The following IGSF3 variants were observed in gnomAD, a reference collection of about 807,000 sequenced individuals.
IGSF3 encodes glu-Trp-Ile EWI motif-containing protein 3.
In IGSF3, 23 loss-of-function variants were observed where a neutral mutation model predicts 114.4. The observed-to-expected ratio is 0.20, with a 90% CI of 0.14 to 0.28. The LOEUF (loss-of-function observed/expected upper bound fraction) is 0.28. Among genes scored for constraint, IGSF3 ranks in the 10% least tolerant of loss-of-function variants. The probability of loss-of-function intolerance (pLI) is 1.00; values close to 1 mark genes in which losing one functional copy is unlikely to be tolerated. For missense variants in IGSF3, 1,172 were observed against 1,591.5 expected (o/e 0.74, Z 4.48); for synonymous variants, 571 against 645.2 (o/e 0.88, Z 1.74).
chr1:116,655,580 C>G lies in IGSF3; in HGVS notation c.43+10704G>C, dbSNP rs1648813097. On this transcript the variant is annotated intron_variant, in intron 2 of 10. Coordinates refer to ENST00000369486, the MANE Select transcript of IGSF3 (RefSeq NM_001007237.3). This position sits in a 1 kb window ranked among gnomAD's most constrained non-coding sequence, Gnocchi z 4.3. The stretch of plus-strand genomic sequence containing the variant: ...AAGTTCTCTTCCTTTGGGTTAAAGT[C>G]TTAAATGCTGAGCCCGTAGCCAGCA... Among the ~76,000 whole-genome samples the G allele has an allele frequency of 6.6e-6, 1 of 152,182 alleles. No individual in the cohort carries two copies. Among genetic ancestry groups the G allele is most frequent in the African/African-American group, 2.4e-5 (1 of 41,438 alleles).
At position 116,584,388 on chromosome 1, in the gene IGSF3, T is replaced by C. The variant is rs1384055258; in HGVS notation, c.2848+257A>G. On this transcript the variant is annotated intron_variant, in intron 9 of 10. Coordinates refer to ENST00000369486, the MANE Select transcript of IGSF3 (RefSeq NM_001007237.3). This position sits in a 1 kb window ranked among gnomAD's most constrained non-coding sequence, Gnocchi z 5.8. ...AAATCTGGAAAAAGGAAATATTCTA[T>C]GACCTGGAATAATTAATGGCCAGAT... Among the ~76,000 whole-genome samples, 2 of 152,202 alleles carry C rather than the reference T, an allele frequency of 1.3e-5. No homozygotes were observed. The highest frequency in any genetic ancestry group is 2.9e-5 in the Non-Finnish European group (2 of 68,038).
Position 116,624,965 on chromosome 1 carries a change from C to G in IGSF3, c.44-8508G>C, listed in dbSNP as rs573126139. 1.4e-4 allele frequency among the ~76,000 whole-genome samples: 22 copies of G among 152,374 alleles called. No individual in the cohort carries two copies. In the South Asian group the frequency reaches 4.3e-3, roughly 30 times the overall value. On this transcript the variant is annotated intron_variant, in intron 2 of 10. Transcript: ENST00000369486. This position sits in a 1 kb window ranked among gnomAD's most constrained non-coding sequence, Gnocchi z 4.9. ...CACCATGTGAGTGAACAAGCCTCCACTGTGAGCTGCCCCCAGCCTTGGAAC... is the reference window on the plus strand; with the variant it reads ...CACCATGTGAGTGAACAAGCCTCCAGTGTGAGCTGCCCCCAGCCTTGGAAC...
intron 2 of IGSF3, among the ~76,000 whole-genome samples, chr1:116,641,674 G>A (rs1405859460): frequency 6.6e-6 from 1 of 152,054 alleles, no homozygotes; most frequent in East Asian, 1.9e-4. Flanking sequence ...GCAGAGAGCA[G>A]AGCTGGCAGG....
Position 116,612,744 on chromosome 1 carries a change from G to C in IGSF3, c.832+1021C>G, listed in dbSNP as rs996680682. 6.6e-6 allele frequency among the ~76,000 whole-genome samples: 1 copy of C among 152,234 alleles called. No homozygotes were observed. The highest frequency in any genetic ancestry group is 2.4e-5 in the African/African-American group (1 of 41,454). ...AGAAGTGAGCTTCCGCACAAGGAAAGGCTTTCAGGCCACTCATCGCCAACT... is the reference window on the plus strand; with the variant it reads ...AGAAGTGAGCTTCCGCACAAGGAAACGCTTTCAGGCCACTCATCGCCAACT... On this transcript the variant is annotated intron_variant, in intron 4 of 10. Coordinates refer to ENST00000369486, the MANE Select transcript of IGSF3 (RefSeq NM_001007237.3). The surrounding 1 kb of genome is among the most constrained non-coding windows in gnomAD (Gnocchi z 4.1).
rs1236399524 is a variant in IGSF3 at position 116,592,918 on chromosome 1, T to C, written c.2030-3814A>G. On this transcript the variant is annotated intron_variant, in intron 7 of 10. Transcript: ENST00000369486. This position sits in a 1 kb window ranked among gnomAD's most constrained non-coding sequence, Gnocchi z 4.5. ...AGAAAAGAGAACATTTCAAAAGGTA[T>C]ATGGCCCCTGAGCTAGGCCCTGAGA... Among the ~76,000 whole-genome samples, 1 of 152,154 alleles carries C rather than the reference T, an allele frequency of 6.6e-6. No individual in the cohort carries two copies. Among genetic ancestry groups the C allele is most frequent in the Non-Finnish European group, 1.5e-5 (1 of 68,038 alleles).
chr1:116,603,748 G>C lies in IGSF3; in HGVS notation c.1500C>G (p.Asn500Lys). 6.2e-7 allele frequency: 1 copy of C among 1,614,014 alleles called. No homozygotes were observed. The highest frequency in any genetic ancestry group is 8.5e-7 in the Non-Finnish European group (1 of 1,179,872). ...QPNSFSLGIF[N>K]SRKEDEGQYE... ...ACTGGCCCTCGTCCTCCTTCCTGCT[G>C]TTGAAGATGCCCAGGCTGAACGAGT... is the stretch of plus-strand genomic sequence containing the variant. The change falls in exon 6 of 11, where the codon AAC becomes AAG. Residue 500 changes from asparagine to lysine, a missense_variant. Around this residue, in one of 3 missense-constraint regions of IGSF3, gnomAD observed 736 missense variants for 1,042.0 expected, o/e 0.71. Coordinates refer to ENST00000369486, the MANE Select transcript of IGSF3 (RefSeq NM_001007237.3). This position sits in a 1 kb window ranked among gnomAD's most constrained non-coding sequence, Gnocchi z 7.1.
chr1:116,639,304 G>A (rs970812615), intron 2 of IGSF3, among the ~76,000 whole-genome samples: 3 of 152,248 alleles, frequency 2.0e-5, no homozygotes, highest in African/African-American at 7.2e-5. Context: ...GTCTTAAAGG[G>A]TTTGTGTCTT....
At chr1:116,611,211 C>A (rs1171665538) in intron 4 of IGSF3, among the ~76,000 whole-genome samples, 1 of 152,188 alleles carries the variant, frequency 6.6e-6, no homozygotes, top group African/African-American at 2.4e-5. Context: ...TTACTCCCTG[C>A]TTAAAAATCT....
intron 2 of IGSF3, among the ~76,000 whole-genome samples, chr1:116,640,037 C>CAAAAAAAAAAAAAAAA (rs34003833): frequency 1.8e-4 from 12 of 65,212 alleles, no homozygotes; most frequent in Admixed American, 3.7e-4. Flanking sequence ...GACTCTATCT[C>CAAAAAAAAAAAAAAAA]AAAAAAAAAA....
intron 2 of IGSF3, among the ~76,000 whole-genome samples, chr1:116,645,870 G>A (rs1648343373): frequency 1.3e-5 from 2 of 152,252 alleles, no homozygotes; most frequent in Admixed American, 1.3e-4. Flanking sequence ...AACCAGGACA[G>A]CGGCTGAGCA....
At chr1:116,580,422 A>T (rs922526410) in intron 9 of IGSF3, among the ~76,000 whole-genome samples, 3 of 152,256 alleles carry the variant, frequency 2.0e-5, no homozygotes, top group African/African-American at 7.2e-5. Context: ...TGCTGAATTC[A>T]TAACCCACGA....
rs1251521307 is a variant in IGSF3, at chr1:116,648,898, T to C, written c.43+17386A>G. Reference sequence around the variant, plus strand: ...GCTCATGAACAAGGATGCCCTTCCCTGGACAGCCAAGATGTAAACCTGCCC... The same window carrying C: ...GCTCATGAACAAGGATGCCCTTCCCCGGACAGCCAAGATGTAAACCTGCCC... On this transcript the variant is annotated intron_variant, in intron 2 of 10. Transcript: ENST00000369486. The surrounding 1 kb of genome is among the most constrained non-coding windows in gnomAD (Gnocchi z 4.7). 6.6e-6 allele frequency among the ~76,000 whole-genome samples: 1 copy of C among 152,186 alleles called. No homozygotes were observed. Among genetic ancestry groups the C allele is most frequent in the East Asian group, 1.9e-4 (1 of 5,196 alleles).
At chr1:116,656,528 G>A (rs1441016444) in intron 2 of IGSF3, among the ~76,000 whole-genome samples, 3 of 152,012 alleles carry the variant, frequency 2.0e-5, no homozygotes, top group African/African-American at 7.2e-5. Flanking sequence ...CTGACCTTGT[G>A]ATCTGCCCAC....
rs1661067440 is a variant in IGSF3, at chr1:116,612,654, C to T, written c.832+1111G>A. Among the ~76,000 whole-genome samples the T allele has an allele frequency of 6.6e-6, 1 of 152,284 alleles. No homozygotes were observed. Among genetic ancestry groups the T allele is most frequent in the South Asian group, 2.1e-4 (1 of 4,836 alleles). On this transcript the variant is annotated intron_variant, in intron 4 of 10. Coordinates refer to ENST00000369486, the MANE Select transcript of IGSF3 (RefSeq NM_001007237.3). This position sits in a 1 kb window ranked among gnomAD's most constrained non-coding sequence, Gnocchi z 4.1. ...GTCCTGACGAAGGACCCCACCTGTA[C>T]TGCAACTCACCAGGTCATTTCCCAC...
chr1:116,579,803 T>G lies in IGSF3; in HGVS notation c.2923A>C (p.Ser975Arg). The change falls in exon 10 of 11, where the codon AGC (serine) becomes CGC (arginine). Residue 975 changes from serine (S) to arginine (R), a missense_variant. Ser to Arg is a moderately radical substitution (Grantham distance 110, BLOSUM62 -1). This residue lies in a region of IGSF3 where 423 missense variants were observed against 509.8 expected (regional missense o/e 0.83). Coordinates refer to ENST00000369486, the MANE Select transcript of IGSF3 (RefSeq NM_001007237.3). The surrounding 1 kb of genome is among the most constrained non-coding windows in gnomAD (Gnocchi z 6.4). Reference sequence around the variant, plus strand: ...TCCTGGCTGGAGCGGGACACGATGCTACAGTCCAGCTGGAAAGCTGCCTTC... The same window carrying G: ...TCCTGGCTGGAGCGGGACACGATGCGACAGTCCAGCTGGAAAGCTGCCTTC... Reference protein sequence around the residue: ...SEKAAFQLDCSIVSRSSQDSR... With the variant: ...SEKAAFQLDCRIVSRSSQDSR... The G allele has an allele frequency of 6.2e-7, 1 of 1,613,992 alleles. No individual in the cohort carries two copies. The highest frequency in any genetic ancestry group is 1.3e-5 in the African/African-American group (1 of 75,044).
In IGSF3 at chr1:116,607,260, G is replaced by C. The variant is rs894564067; in HGVS notation, c.1222+682C>G. On this transcript the variant is annotated intron_variant, in intron 5 of 10. Transcript: ENST00000369486. The surrounding 1 kb of genome is among the most constrained non-coding windows in gnomAD (Gnocchi z 6.1). ...AACACAACACAAGCAAACACCAGTAGTTTCTGGAATCCCTAGCAATGGCCA... is the reference window on the plus strand; with the variant it reads ...AACACAACACAAGCAAACACCAGTACTTTCTGGAATCCCTAGCAATGGCCA... Among the ~76,000 whole-genome samples, 1 of 152,122 alleles carries C rather than the reference G, an allele frequency of 6.6e-6. No individual in the cohort carries two copies. The highest frequency in any genetic ancestry group is 1.5e-5 in the Non-Finnish European group (1 of 68,024).
rs908143357 is a variant in IGSF3 at position 116,636,687 on chromosome 1, G to A, written c.44-20230C>T. Among the ~76,000 whole-genome samples, 3 of 152,170 alleles carry A rather than the reference G, an allele frequency of 2.0e-5. No individual in the cohort carries two copies. The highest frequency in any genetic ancestry group is 7.2e-5 in the African/African-American group (3 of 41,442). On this transcript the variant is annotated intron_variant, in intron 2 of 10. Coordinates refer to ENST00000369486, the MANE Select transcript of IGSF3 (RefSeq NM_001007237.3). This position sits in a 1 kb window ranked among gnomAD's most constrained non-coding sequence, Gnocchi z 4.5. ...AAGGTCACGAGCAAGCCAGTGAAGA[G>A]GGGCTGGAACCCTGTCTTTTGCCTC...
In IGSF3 at chr1:116,625,018, A is replaced by T. The variant is rs540541698; in HGVS notation, c.44-8561T>A. On this transcript the variant is annotated intron_variant, in intron 2 of 10. Coordinates refer to ENST00000369486, the MANE Select transcript of IGSF3 (RefSeq NM_001007237.3). The surrounding 1 kb of genome is among the most constrained non-coding windows in gnomAD (Gnocchi z 4.7). ...CCAGCCATGCCTGCTGTGCCTCTAAATTCTCGACCCACAGATTCTGTGAGC... is the reference window on the plus strand; with the variant it reads ...CCAGCCATGCCTGCTGTGCCTCTAATTTCTCGACCCACAGATTCTGTGAGC... Among the ~76,000 whole-genome samples, 6 of 152,334 alleles carry T rather than the reference A, an allele frequency of 3.9e-5. No individual in the cohort carries two copies. Among genetic ancestry groups the T allele is most frequent in the Admixed American group, 1.3e-4 (2 of 15,304 alleles).
chr1:116,595,462 T>G lies in IGSF3; in HGVS notation c.2029+4479A>C, dbSNP rs949146943. On this transcript the variant is annotated intron_variant, in intron 7 of 10. Transcript: ENST00000369486. The surrounding 1 kb of genome is among the most constrained non-coding windows in gnomAD (Gnocchi z 4.2). ...TGTGAAAGGAGAGCCAGTGTTCACA[T>G]GCTCTGGACTCATGGAAGTCAAAGA... 6.6e-6 allele frequency among the ~76,000 whole-genome samples: 1 copy of G among 152,186 alleles called. No individual in the cohort carries two copies. The highest frequency in any genetic ancestry group is 1.5e-5 in the Non-Finnish European group (1 of 68,016).
Sources: gnomAD v4.1 joint callset for allele counts (sites outside exome capture counted in the v4.1 genomes callset) on GRCh38, gnomAD v4.1.1 for gene constraint, gnomAD v4.1.1 regional missense constraint, Gnocchi (gnomAD v3.1) non-coding constraint, MANE v1.5 for transcripts, NCBI Gene and HGNC (gene_info 2026-07-23, HGNC 2026-07-21) for gene names.